FRMPD4: variants seen among roughly 807,000 people sequenced by gnomAD.
FRMPD4 encodes the protein FERM and PDZ domain containing 4.
FRMPD4 carries 22 observed loss-of-function variants against 94.1 expected under a neutral mutation model. The ratio of observed to expected loss-of-function variants is 0.23; its 90% CI spans 0.17 to 0.33. FRMPD4 has a LOEUF of 0.33. Ranked by LOEUF, FRMPD4 falls within the 10% of genes least tolerant of loss-of-function variation. The pLI is 1.00. For missense variants in FRMPD4, 1,111 were observed against 1,339.9 expected, an observed-to-expected ratio of 0.83 and a Z score of 2.67; for synonymous variants, 631 against 548.6, an observed-to-expected ratio of 1.15 and a Z score of -2.10.
intron 3 of FRMPD4, among the ~76,000 whole-genome samples, chrX:12,000,728 T>G: frequency 8.9e-6 from 1 of 111,753 alleles, no homozygotes; most frequent in East Asian, 2.8e-4. Flanking sequence ...TCAAACTAGA[T>G]TTGGTGTCTT....
At chrX:12,006,094 G>A (rs1369067994) in intron 3 of FRMPD4, among the ~76,000 whole-genome samples, 2 of 111,649 alleles carry the variant, frequency 1.8e-5, no homozygotes, top group Non-Finnish European at 3.8e-5. Flanking sequence ...AGCAGTCACT[G>A]CCTGAAGCTC....
intron 4 of FRMPD4, among the ~76,000 whole-genome samples, chrX:12,673,831 C>T (rs779237700): frequency 1.8e-5 from 2 of 111,430 alleles, no homozygotes; most frequent in East Asian, 2.8e-4. Context: ...CTCTCTTCCC[C>T]TACCCCACTC....
rs749210563 is a variant in FRMPD4, at chrX:12,285,022, TA to T, written c.41+146011del. ...AGTGAACAGTAAGGGCACCCACTATTATTATTTCAAGTTTGACCTTTCATGA... is the reference window on the plus strand; with the variant it reads ...AGTGAACAGTAAGGGCACCCACTATTTTATTTCAAGTTTGACCTTTCATGA... On this transcript the variant is annotated intron_variant, in intron 1 of 16. Coordinates refer to ENST00000675598, the MANE Select transcript of FRMPD4 (RefSeq NM_001368397.1). Among the ~76,000 whole-genome samples, 475 of 112,106 alleles carry T rather than the reference TA, an allele frequency of 4.2e-3. 2 individuals carry two copies. The highest frequency in any genetic ancestry group is 0.014 in the African/African-American group (444 of 30,875).
chrX:12,394,489 A>AT (rs777027384), intron 1 of FRMPD4, among the ~76,000 whole-genome samples: 1,695 of 111,546 alleles, frequency 0.015, 23 homozygotes, highest in African/African-American at 0.046. Context: ...TTCCTAATAC[A>AT]TTTTTTAAAA....
chrX:12,088,859 G>T (rs981117613), intron 3 of FRMPD4, among the ~76,000 whole-genome samples: 1 of 112,053 alleles, frequency 8.9e-6, no homozygotes, highest in Non-Finnish European at 1.9e-5. Context: ...CACATATTTT[G>T]ATTGCACAAC....
chrX:11,837,198 A>G (rs941663704), intron 1 of FRMPD4, among the ~76,000 whole-genome samples: 1 of 99,443 alleles, frequency 1.0e-5, no homozygotes, highest in Non-Finnish European at 2.1e-5. Flanking sequence ...TGCATTTCTG[A>G]CTATGAATTA....
chrX:12,251,475 C>T (rs911803561), intron 1 of FRMPD4, among the ~76,000 whole-genome samples: 5 of 111,595 alleles, frequency 4.5e-5, no homozygotes, highest in African/African-American at 9.8e-5. Context: ...ACATGGAGGC[C>T]GAAATCCTTT....
At chrX:11,932,126 T>C (rs891172704) in intron 3 of FRMPD4, among the ~76,000 whole-genome samples, 1 of 112,000 alleles carries the variant, frequency 8.9e-6, no homozygotes, top group African/African-American at 3.2e-5. Context: ...ACTCATTGTT[T>C]GTCCACTCCC....
intron 1 of FRMPD4, among the ~76,000 whole-genome samples, chrX:12,367,989 C>A (rs747603114): frequency 1.8e-5 from 2 of 111,910 alleles, no homozygotes; most frequent in East Asian, 5.6e-4. Flanking sequence ...TCTTTCTCAC[C>A]CATCCTCCTG....
At chrX:12,012,953 G>A (rs1334581129) in intron 3 of FRMPD4, among the ~76,000 whole-genome samples, 1 of 111,630 alleles carries the variant, frequency 9.0e-6, no homozygotes, top group African/African-American at 3.3e-5. Context: ...TGAGTGATGA[G>A]ACTAAACTGA....
intron 4 of FRMPD4, among the ~76,000 whole-genome samples, chrX:12,661,852 T>C (rs1010161936): frequency 8.9e-6 from 1 of 111,978 alleles, no homozygotes; most frequent in African/African-American, 3.2e-5. Flanking sequence ...CCATTTCAAG[T>C]GCAGTCCTGT....
At chrX:12,043,505 G>A (rs2054768724) in intron 3 of FRMPD4, among the ~76,000 whole-genome samples, 1 of 111,387 alleles carries the variant, frequency 9.0e-6, no homozygotes, top group African/African-American at 3.3e-5. Flanking sequence ...TGCATAATCA[G>A]AATTTAATTA....
intron 2 of FRMPD4, among the ~76,000 whole-genome samples, chrX:12,588,133 C>T (rs1283453285): frequency 1.8e-5 from 2 of 111,699 alleles, no homozygotes; most frequent in Admixed American, 9.4e-5. Context: ...GGATTACAGG[C>T]ATGTGTCACC....
intron 3 of FRMPD4, among the ~76,000 whole-genome samples, chrX:12,001,350 G>C (rs2054523528): frequency 8.9e-6 from 1 of 112,339 alleles, no homozygotes; most frequent in Non-Finnish European, 1.9e-5. Flanking sequence ...GGAAGTGCAG[G>C]AGTTTCAGTT....
At chrX:12,677,940 A>G (rs907832697) in intron 5 of FRMPD4, among the ~76,000 whole-genome samples, 4 of 112,100 alleles carry the variant, frequency 3.6e-5, no homozygotes, top group South Asian at 3.7e-4. Context: ...TTTTCTTGGG[A>G]AAAAAAATAC....
At chrX:12,085,194 A>T (rs1190461077) in intron 3 of FRMPD4, among the ~76,000 whole-genome samples, 1 of 112,173 alleles carries the variant, frequency 8.9e-6, no homozygotes, top group Non-Finnish European at 1.9e-5. Flanking sequence ...TAAAGTCTTC[A>T]TGTGGATCTA....
intron 3 of FRMPD4, among the ~76,000 whole-genome samples, chrX:12,075,353 G>T (rs755531216): frequency 1.8e-5 from 2 of 108,236 alleles, no homozygotes; most frequent in South Asian, 4.1e-4. Flanking sequence ...TGTGTGTGTG[G>T]GGGGTGGTAT....
intron 1 of FRMPD4, among the ~76,000 whole-genome samples, chrX:12,372,979 A>G (rs1206092381): frequency 1.8e-5 from 2 of 111,995 alleles, no homozygotes; most frequent in Admixed American, 1.9e-4. Flanking sequence ...TAGTGCCACA[A>G]TGGAGCCGAG....
chrX:12,634,818 A>G (rs1456696863), intron 4 of FRMPD4, among the ~76,000 whole-genome samples: 2 of 86,953 alleles, frequency 2.3e-5, no homozygotes, highest in African/African-American at 8.9e-5. Flanking sequence ...TATGAAGTCC[A>G]TCTCTCTTTT....
Sources: gnomAD v4.1 joint callset for allele counts (sites outside exome capture counted in the v4.1 genomes callset) on GRCh38, gnomAD v4.1.1 for gene constraint, MANE v1.5 for transcripts, NCBI Gene and HGNC (gene_info 2026-07-23, HGNC 2026-07-21) for gene names.